The following DLGAP1 variants were observed in gnomAD, a reference collection of about 807,000 sequenced individuals.
DLGAP1 encodes the protein DLG associated protein 1.
In DLGAP1, 11 loss-of-function variants were observed where a neutral mutation model predicts 90.8. That is an observed-to-expected ratio of 0.12 (90% CI 0.08 to 0.20). DLGAP1 has a LOEUF of 0.20. Among genes scored for constraint, DLGAP1 ranks in the 10% least tolerant of loss-of-function variants. The pLI, the probability that DLGAP1 is intolerant of heterozygous loss-of-function variation, is 1.00. For missense variants in DLGAP1, 1,050 were observed against 1,333.8 expected, an observed-to-expected ratio of 0.79 and a Z score of 3.31; for synonymous variants, 558 against 540.7, an observed-to-expected ratio of 1.03 and a Z score of -0.44.
chr18:3,736,042 C>T (rs547849105), intron 6 of DLGAP1, among the ~76,000 whole-genome samples: 1 of 152,216 alleles, frequency 6.6e-6, no homozygotes, highest in African/African-American at 2.4e-5. Context: ...CACGGCTGAG[C>T]TGCTGGTATT....
chr18:3,992,833 A>AG (rs1479727268), intron 3 of DLGAP1, among the ~76,000 whole-genome samples: 1 of 151,798 alleles, frequency 6.6e-6, no homozygotes, highest in African/African-American at 2.4e-5. Context: ...TTTGGCTAAT[A>AG]GGGGGTCCCT....
intron 7 of DLGAP1, among the ~76,000 whole-genome samples, chr18:3,694,039 C>CA (rs201011100): frequency 2.7e-5 from 4 of 147,714 alleles, no homozygotes; most frequent in Non-Finnish European, 3.0e-5. Context: ...TAGCCACCCC[C>CA]CCCTCAGCCC....
intron 4 of DLGAP1, among the ~76,000 whole-genome samples, chr18:3,875,815 G>A: frequency 6.6e-6 from 1 of 152,020 alleles, no homozygotes; most frequent in East Asian, 1.9e-4. Context: ...TACATCTTTT[G>A]GACCAAGCGC....
intron 1 of DLGAP1, among the ~76,000 whole-genome samples, chr18:4,247,550 C>T (rs367595796): frequency 3.4e-4 from 52 of 152,176 alleles, no homozygotes; most frequent in African/African-American, 1.0e-3. Flanking sequence ...CCGAGCCGAG[C>T]GGATCACCTG....
intron 4 of DLGAP1, among the ~76,000 whole-genome samples, chr18:3,877,527 T>G (rs1297911061): frequency 6.6e-6 from 1 of 152,238 alleles, no homozygotes; most frequent in Non-Finnish European, 1.5e-5. Flanking sequence ...TGTGTGGTAC[T>G]CTAGGGCTTT....
chr18:3,850,988 AAAC>A (rs758462381), intron 4 of DLGAP1, among the ~76,000 whole-genome samples: 8 of 152,176 alleles, frequency 5.3e-5, no homozygotes, highest in Non-Finnish European at 8.8e-5. Context: ...CCAAACAACA[AAAC>A]AACAATACAA....
intron 7 of DLGAP1, among the ~76,000 whole-genome samples, chr18:3,601,645 C>G (rs2057030689): frequency 6.6e-6 from 1 of 151,842 alleles, no homozygotes; most frequent in Non-Finnish European, 1.5e-5. Context: ...GAATTTGAGA[C>G]CAGCCTGACC....
chr18:3,727,494 T>C lies in DLGAP1; in HGVS notation c.1591+1641A>G, dbSNP rs2062227595. ...ACCCCTTGTGACTTCTGGGCCAGGA[T>C]CTGCATTTTACATATTTAAGGAGCG... On this transcript the variant is annotated intron_variant, in intron 7 of 12. Transcript: ENST00000315677. This position sits in a 1 kb window ranked among gnomAD's most constrained non-coding sequence, Gnocchi z 4.7. 6.6e-6 allele frequency among the ~76,000 whole-genome samples: 1 copy of C among 152,270 alleles called. No homozygotes were observed. Among genetic ancestry groups the C allele is most frequent in the South Asian group, 2.1e-4 (1 of 4,830 alleles).
intron 2 of DLGAP1, among the ~76,000 whole-genome samples, chr18:4,069,770 G>C (rs2075420983): frequency 6.6e-6 from 1 of 152,098 alleles, no homozygotes; most frequent in Non-Finnish European, 1.5e-5. Flanking sequence ...CCCAGTCTCA[G>C]GTATTTCTTC....
At chr18:3,624,351 C>T (rs1185082081) in intron 7 of DLGAP1, among the ~76,000 whole-genome samples, 10 of 152,220 alleles carry the variant, frequency 6.6e-5, no homozygotes, top group East Asian at 1.9e-4. Context: ...TGCCTGTCGC[C>T]CTGGGCCGCT....
At chr18:3,740,233 A>G (rs2062841914) in intron 6 of DLGAP1, among the ~76,000 whole-genome samples, 1 of 152,228 alleles carries the variant, frequency 6.6e-6, no homozygotes, top group Admixed American at 6.5e-5. Flanking sequence ...TAGGCCATGC[A>G]GAATAAATAT....
intron 6 of DLGAP1, 108 bp downstream of exon 6, chr18:3,742,226 CA>C (rs1171982327): frequency 4.5e-5 from 61 of 1,341,846 alleles, no homozygotes; most frequent in Admixed American, 2.2e-5. Flanking sequence ...TCTGATCCAT[CA>C]ATGGTCTACT....
chr18:3,961,866 G>A (rs1223060100), intron 3 of DLGAP1, among the ~76,000 whole-genome samples: 2 of 152,200 alleles, frequency 1.3e-5, no homozygotes, highest in Non-Finnish European at 1.5e-5. Flanking sequence ...AGCCACAGAG[G>A]GGTCTTCTGA....
chr18:4,302,787 A>C (rs1451083150), intron 1 of DLGAP1, among the ~76,000 whole-genome samples: 1 of 152,172 alleles, frequency 6.6e-6, no homozygotes. Flanking sequence ...ACTGCACTGA[A>C]TCTATAGGTC....
chr18:3,805,516 T>C (rs2066522054), intron 5 of DLGAP1, among the ~76,000 whole-genome samples: 1 of 151,940 alleles, frequency 6.6e-6, no homozygotes, highest in Non-Finnish European at 1.5e-5. Context: ...AAGAGGTGAG[T>C]TGCAAAGTTT....
At chr18:4,310,156 CA>C (rs1820317107) in intron 1 of DLGAP1, among the ~76,000 whole-genome samples, 1 of 152,096 alleles carries the variant, frequency 6.6e-6, no homozygotes, top group Admixed American at 6.6e-5. Flanking sequence ...GGACTTATAC[CA>C]GGATTTGGTT....
intron 9 of DLGAP1, among the ~76,000 whole-genome samples, chr18:3,547,857 A>G (rs1361662191): frequency 6.6e-6 from 1 of 152,264 alleles, no homozygotes; most frequent in Non-Finnish European, 1.5e-5. Context: ...ATCCATAAAC[A>G]GATGAATGAA....
In DLGAP1 at chr18:3,736,454, C is replaced by T. The variant is rs541142429; in HGVS notation, c.1350+5881G>A. Among the ~76,000 whole-genome samples the T allele has an allele frequency of 6.6e-5, 10 of 152,222 alleles. No homozygotes were observed. In the East Asian group the frequency reaches 1.9e-3, roughly 29 times the overall value. On this transcript the variant is annotated intron_variant, in intron 6 of 12. Transcript: ENST00000315677. ...GCAATTTAGTTTTTCTAGACCAACT[C>T]CTTGGTGTACTCAACTTTCTAGGAG...
intron 10 of DLGAP1, among the ~76,000 whole-genome samples, chr18:3,523,640 G>A (rs1328570572): frequency 6.6e-6 from 1 of 152,014 alleles, no homozygotes; most frequent in Non-Finnish European, 1.5e-5. Context: ...GAGGTCAGGA[G>A]ATCGAGACCA....
Sources: gnomAD v4.1 joint callset for allele counts (sites outside exome capture counted in the v4.1 genomes callset) on GRCh38, gnomAD v4.1.1 for gene constraint, Gnocchi (gnomAD v3.1) non-coding constraint, MANE v1.5 for transcripts, NCBI Gene and HGNC (gene_info 2026-07-23, HGNC 2026-07-21) for gene names.